Variants in NEGR1 observed in about 807,000 individuals in gnomAD.
NEGR1 encodes the protein neuronal growth regulator 1, also known as IgLON family member 4.
Under a neutral mutation model 40.9 loss-of-function variants are expected in NEGR1, and 10 were observed. The ratio of observed to expected loss-of-function variants is 0.24; its 90% CI spans 0.15 to 0.42. NEGR1 has a LOEUF of 0.42. Among genes scored for constraint, NEGR1 ranks in the 10% least tolerant of loss-of-function variants. The pLI is 1.00. For missense variants in NEGR1, 352 were observed against 438.9 expected, an observed-to-expected ratio of 0.80 and a Z score of 1.77; for synonymous variants, 185 against 166.8, an observed-to-expected ratio of 1.11 and a Z score of -0.84.
chr1:71,940,219 A>G (rs1168292311), intron 1 of NEGR1, among the ~76,000 whole-genome samples: 1 of 152,190 alleles, frequency 6.6e-6, no homozygotes, highest in African/African-American at 2.4e-5. Flanking sequence ...TGAAATATAG[A>G]CAATGAAATA....
At chr1:72,260,699 G>C (rs1009399700) in intron 1 of NEGR1, among the ~76,000 whole-genome samples, 4 of 152,026 alleles carry the variant, frequency 2.6e-5, no homozygotes, top group African/African-American at 9.7e-5. Flanking sequence ...TTTCTAAATA[G>C]TTGCTCAAAT....
intron 1 of NEGR1, among the ~76,000 whole-genome samples, chr1:72,032,903 A>T (rs1646871665): frequency 6.6e-6 from 1 of 152,154 alleles, no homozygotes; most frequent in Admixed American, 6.6e-5. Context: ...TAGGCTTATT[A>T]CAAAGATTAA....
chr1:71,814,308 T>C (rs1450728015), intron 2 of NEGR1, among the ~76,000 whole-genome samples: 3 of 152,124 alleles, frequency 2.0e-5, no homozygotes, highest in Non-Finnish European at 4.4e-5. Flanking sequence ...CTGGATTCAG[T>C]TTGCAAGTAT....
At chr1:71,779,724 C>T (rs1473652951) in intron 2 of NEGR1, among the ~76,000 whole-genome samples, 17 of 151,896 alleles carry the variant, frequency 1.1e-4, no homozygotes, top group Admixed American at 1.1e-3. Flanking sequence ...CCTGCCACTG[C>T]GCCCAGCTAA....
intron 6 of NEGR1, among the ~76,000 whole-genome samples, chr1:71,445,131 C>T (rs1417401114): frequency 6.6e-6 from 1 of 152,078 alleles, no homozygotes. Context: ...AAAGCAGTAA[C>T]ACTAATACAC....
At chr1:72,185,203 T>A (rs1483024455) in intron 1 of NEGR1, among the ~76,000 whole-genome samples, 1 of 151,934 alleles carries the variant, frequency 6.6e-6, no homozygotes, top group African/African-American at 2.4e-5. Flanking sequence ...ATTATTATTT[T>A]GTAACTAGAT....
At chr1:71,834,887 T>TCACACACACACACACACA (rs10524992) in intron 2 of NEGR1, among the ~76,000 whole-genome samples, 2,790 of 146,320 alleles carry the variant, frequency 0.019, 41 homozygotes, top group Middle Eastern at 0.043. Flanking sequence ...TTTTAGGAGA[T>TCACACACACACACACACA]CACACACACA....
chr1:71,629,515 A>G (rs1248902550), intron 4 of NEGR1, among the ~76,000 whole-genome samples: 9 of 151,992 alleles, frequency 5.9e-5, no homozygotes, highest in Admixed American at 5.9e-4. Context: ...GAGTTCACTC[A>G]TGATTCGGCT....
At chr1:71,551,986 A>T (rs1173858906) in intron 6 of NEGR1, among the ~76,000 whole-genome samples, 1 of 151,492 alleles carries the variant, frequency 6.6e-6, no homozygotes, top group East Asian at 2.0e-4. Context: ...TATATTGACA[A>T]AGACTCTTTC....
chr1:71,599,083 T>A (rs1443963699), intron 5 of NEGR1, among the ~76,000 whole-genome samples: 1 of 152,188 alleles, frequency 6.6e-6, no homozygotes, highest in East Asian at 1.9e-4. Flanking sequence ...ATTCTTAGTT[T>A]TTTCATCTGT....
intron 6 of NEGR1, among the ~76,000 whole-genome samples, chr1:71,543,999 C>T (rs921707855): frequency 2.6e-5 from 4 of 151,424 alleles, no homozygotes; most frequent in Non-Finnish European, 5.9e-5. Context: ...CTTCCTTGTC[C>T]CCTGCAGCTG....
intron 1 of NEGR1, among the ~76,000 whole-genome samples, chr1:72,132,142 A>C (rs1650279969): frequency 6.6e-6 from 1 of 152,312 alleles, no homozygotes; most frequent in South Asian, 2.1e-4. Flanking sequence ...AATGTATTTT[A>C]TTCCCAGTAT....
At chr1:72,033,397 C>A (rs1646875948) in intron 1 of NEGR1, among the ~76,000 whole-genome samples, 1 of 152,038 alleles carries the variant, frequency 6.6e-6, no homozygotes, top group African/African-American at 2.4e-5. Flanking sequence ...AAGCTATTAC[C>A]CTGCAATAAT....
chr1:71,684,183 T>C (rs1430910111), intron 4 of NEGR1, among the ~76,000 whole-genome samples: 4 of 151,938 alleles, frequency 2.6e-5, no homozygotes, highest in Non-Finnish European at 2.9e-5. Context: ...GGTAGGAGAA[T>C]GACGTGAACC....
chr1:71,767,795 G>A, intron 3 of NEGR1, among the ~76,000 whole-genome samples: 1 of 152,294 alleles, frequency 6.6e-6, no homozygotes. Context: ...TGTGGGCCAG[G>A]CCCAGGGCCG....
At chr1:72,102,534 T>G (rs939243298) in intron 1 of NEGR1, among the ~76,000 whole-genome samples, 2 of 152,088 alleles carry the variant, frequency 1.3e-5, no homozygotes, top group Non-Finnish European at 2.9e-5. Context: ...GGGAAGATAC[T>G]AAAAACAGCC....
chr1:72,271,321 C>A (rs937976995), intron 1 of NEGR1, among the ~76,000 whole-genome samples: 3 of 151,872 alleles, frequency 2.0e-5, no homozygotes, highest in African/African-American at 7.2e-5. Context: ...GAAGCTGCAA[C>A]TTTAAGTGAA....
At chr1:71,800,900 TTC>T (rs769201531) in intron 2 of NEGR1, among the ~76,000 whole-genome samples, 50 of 152,306 alleles carry the variant, frequency 3.3e-4, no homozygotes, top group Non-Finnish European at 7.1e-4. Flanking sequence ...GAGCAATCTT[TTC>T]TGTTTACTGC....
At chr1:72,148,277 C>T (rs1327244293) in intron 1 of NEGR1, among the ~76,000 whole-genome samples, 12 of 152,140 alleles carry the variant, frequency 7.9e-5, no homozygotes, top group African/African-American at 2.2e-4. Context: ...CCTGTGCACC[C>T]GCAGGCTCAA....
Sources: allele counts gnomAD v4.1 joint callset (sites outside exome capture counted in the v4.1 genomes callset), GRCh38; gene constraint gnomAD v4.1.1; transcripts MANE v1.5; gene names NCBI Gene and HGNC (gene_info 2026-07-23, HGNC 2026-07-21).